Variants in ANO2 observed in about 807,000 individuals in gnomAD.
The protein encoded by ANO2 is anoctamin 2, also known as anoctamin-2.
A neutral mutation model predicts 124.2 loss-of-function variants in ANO2; 101 were observed. The ratio of observed to expected loss-of-function variants is 0.81; its 90% CI spans 0.69 to 0.96. The LOEUF (loss-of-function observed/expected upper bound fraction) is 0.96, where lower values mean the gene tolerates loss of function less well. ANO2 is among the 40% of genes least tolerant of loss of function. The pLI is 0.00. For missense variants in ANO2, 1,293 were observed against 1,274.5 expected (o/e 1.01, Z -0.22); for synonymous variants, 486 against 482.5 (o/e 1.01, Z -0.09).
chr12:5,597,234 A>T (rs1943707368), intron 20 of ANO2, among the ~76,000 whole-genome samples: 1 of 151,692 alleles, frequency 6.6e-6, no homozygotes, highest in African/African-American at 2.4e-5. Context: ...CTTTTTCCTG[A>T]TCCTCTCCCT....
chr12:5,659,700 G>A (rs535303161), intron 14 of ANO2, among the ~76,000 whole-genome samples: 1 of 152,304 alleles, frequency 6.6e-6, no homozygotes, highest in South Asian at 2.1e-4. Flanking sequence ...CCCTCCTGGG[G>A]TCCAGCTCAC....
At chr12:5,594,241 G>C (rs1312991175) in intron 20 of ANO2, among the ~76,000 whole-genome samples, 1 of 152,128 alleles carries the variant, frequency 6.6e-6, no homozygotes, top group African/African-American at 2.4e-5. Flanking sequence ...AGACTGTCCT[G>C]GTCTCCAGAC....
At chr12:5,826,181 A>G (rs1953947840) in intron 7 of ANO2, among the ~76,000 whole-genome samples, 1 of 152,116 alleles carries the variant, frequency 6.6e-6, no homozygotes, top group Admixed American at 6.6e-5. Context: ...GGATGAGTGC[A>G]TTTCCGGTTG....
chr12:5,744,988 C>A (rs1951224963), intron 11 of ANO2, among the ~76,000 whole-genome samples: 1 of 152,200 alleles, frequency 6.6e-6, no homozygotes, highest in Admixed American at 6.5e-5. Context: ...AAGAGCAAGG[C>A]AAATTCTTCC....
intron 10 of ANO2, among the ~76,000 whole-genome samples, chr12:5,759,923 C>T (rs891768253): frequency 6.6e-6 from 1 of 151,868 alleles, no homozygotes; most frequent in African/African-American, 2.4e-5. Context: ...AAAGAAAGAT[C>T]TTTGGGCAAA....
At chr12:5,859,667 G>A (rs1439034847) in intron 3 of ANO2, among the ~76,000 whole-genome samples, 2 of 151,978 alleles carry the variant, frequency 1.3e-5, no homozygotes, top group South Asian at 2.1e-4. Context: ...CAAGAAGCTC[G>A]GACTACAGGT....
chr12:5,678,487 A>G (rs1300888972), intron 14 of ANO2, among the ~76,000 whole-genome samples: 1 of 152,146 alleles, frequency 6.6e-6, no homozygotes, highest in Non-Finnish European at 1.5e-5. Flanking sequence ...GGAAAGATGG[A>G]CACATTTGGG....
intron 13 of ANO2, among the ~76,000 whole-genome samples, chr12:5,738,234 A>G (rs1480016945): frequency 6.6e-6 from 1 of 152,230 alleles, no homozygotes; most frequent in African/African-American, 2.4e-5. Flanking sequence ...CATGCCACAG[A>G]TGTGGGGACA....
chr12:5,714,852 A>C (rs79590725), intron 14 of ANO2, among the ~76,000 whole-genome samples: 2,115 of 152,324 alleles, frequency 0.014, 54 homozygotes, highest in African/African-American at 0.047. Flanking sequence ...AAAAGCATAA[A>C]ACACATTCCA....
chr12:5,615,345 CTCT>C, intron 16 of ANO2, 48 bp from the exon 17 acceptor site: 1 of 1,461,008 alleles, frequency 6.8e-7, no homozygotes, highest in Non-Finnish European at 9.5e-7. Flanking sequence ...GATTTCTCAC[CTCT>C]CCAGAGTTTT....
intron 7 of ANO2, among the ~76,000 whole-genome samples, chr12:5,810,724 G>A (rs560055958): frequency 2.3e-4 from 35 of 152,294 alleles, no homozygotes; most frequent in African/African-American, 8.2e-4. Context: ...AAGTCAACGT[G>A]CCCATGTCTC....
At chr12:5,591,868 G>A (rs528597992) in intron 20 of ANO2, among the ~76,000 whole-genome samples, 7 of 152,246 alleles carry the variant, frequency 4.6e-5, no homozygotes, top group African/African-American at 1.7e-4. Flanking sequence ...GCGCTGCCCC[G>A]GGGGAGGGCA....
At position 5,658,666 on chromosome 12, in the gene ANO2, TCAA is replaced by T. The variant is rs1278137758; in HGVS notation, c.1546-10868_1546-10866del. On this transcript the variant is annotated intron_variant, in intron 14 of 24. Transcript: ENST00000682330. The surrounding 1 kb of genome is among the most constrained non-coding windows in gnomAD (Gnocchi z 4.3). ...GTCATCAATATCATCATCATCATCA[TCAA>T]CATCATTATCATCATTAAATCATCA... Among the ~76,000 whole-genome samples, 12 of 150,070 alleles carry T rather than the reference TCAA, an allele frequency of 8.0e-5. No individual in the cohort carries two copies. The highest frequency in any genetic ancestry group is 2.1e-4 in the South Asian group (1 of 4,802).
In ANO2 at chr12:5,610,819, T is replaced by TACACACACACAC. The variant is rs766401385; in HGVS notation, c.2087+1825_2087+1836dup. ...TGGCCCAGCCCATCAGAGTTGTCCA[T>TACACACACACAC]ACACACACACACACACACACACACA... On this transcript the variant is annotated intron_variant, in intron 19 of 24. Transcript: ENST00000682330. 2.9e-4 allele frequency among the ~76,000 whole-genome samples: 32 copies of TACACACACACAC among 110,844 alleles called. 1 individual carries two copies. The East Asian group carries it at 3.2e-3, about 11-fold the overall frequency. 72.7% of individuals were successfully genotyped at this position (110,844 alleles called of 152,430 possible).
intron 3 of ANO2, among the ~76,000 whole-genome samples, chr12:5,901,012 G>A (rs144388907): frequency 1.5e-3 from 222 of 152,330 alleles, no homozygotes; most frequent in African/African-American, 4.3e-3. Flanking sequence ...GCCACTCTCA[G>A]CAGGGTCACT....
chr12:5,910,112 A>G (rs530489518), intron 3 of ANO2, among the ~76,000 whole-genome samples: 1 of 152,354 alleles, frequency 6.6e-6, no homozygotes, highest in South Asian at 2.1e-4. Context: ...ATTTCTAAGT[A>G]CAAATGAGTA....
intron 16 of ANO2, among the ~76,000 whole-genome samples, chr12:5,624,470 C>T (rs1303752986): frequency 6.6e-6 from 1 of 152,086 alleles, no homozygotes; most frequent in African/African-American, 2.4e-5. Flanking sequence ...ACAGACACCC[C>T]CAACACCCCT....
At chr12:5,701,687 C>T (rs1949411107) in intron 14 of ANO2, among the ~76,000 whole-genome samples, 1 of 152,216 alleles carries the variant, frequency 6.6e-6, no homozygotes, top group Non-Finnish European at 1.5e-5. Flanking sequence ...CCAGCTTTCT[C>T]ACCACTCCTT....
intron 10 of ANO2, among the ~76,000 whole-genome samples, chr12:5,774,734 G>A (rs532572793): frequency 6.6e-6 from 1 of 152,116 alleles, no homozygotes; most frequent in South Asian, 2.1e-4. Context: ...ACAGAGACAG[G>A]CTGTGCCCAT....
Sources: allele counts gnomAD v4.1 joint callset (sites outside exome capture counted in the v4.1 genomes callset), GRCh38; gene constraint gnomAD v4.1.1; non-coding constraint Gnocchi (gnomAD v3.1); transcripts MANE v1.5; gene names NCBI Gene and HGNC (gene_info 2026-07-23, HGNC 2026-07-21).